Variants in SH3GL3 observed in about 807,000 individuals in gnomAD.
The protein encoded by SH3GL3 is endophilin-A3.
Under a neutral mutation model 47.7 loss-of-function variants are expected in SH3GL3, and 33 were observed. That is an observed-to-expected ratio of 0.69 (90% confidence interval 0.52 to 0.92). The LOEUF is 0.92. Ranked by LOEUF, SH3GL3 falls within the 40% of genes least tolerant of loss-of-function variation. The pLI, the probability that SH3GL3 is intolerant of heterozygous loss-of-function variation, is 0.00. For synonymous variants in SH3GL3, 155 were observed against 148.8 expected, an observed-to-expected ratio of 1.04 and a Z score of -0.30; for missense variants, 363 against 417.8, an observed-to-expected ratio of 0.87 and a Z score of 1.14.
intron 8 of SH3GL3, among the ~76,000 whole-genome samples, chr15:83,592,702 C>A (rs185463126): frequency 2.4e-4 from 37 of 152,318 alleles, no homozygotes; most frequent in African/African-American, 8.7e-4. Flanking sequence ...AAAAGTTCTT[C>A]TCTCTTGATT....
chr15:83,486,826 C>T (rs184707125), intron 1 of SH3GL3, among the ~76,000 whole-genome samples: 1 of 152,274 alleles, frequency 6.6e-6, no homozygotes, highest in Admixed American at 6.5e-5. Context: ...GAAAATTTGG[C>T]TCTTGGAAAG....
At chr15:83,633,718 C>T in the SH3GL3 span, among the ~76,000 whole-genome samples, 1 of 152,184 alleles carries the variant, frequency 6.6e-6, no homozygotes, top group Non-Finnish European at 1.5e-5. Flanking sequence ...TTTAAAAGCC[C>T]CTGCTTTGTG....
chr15:83,626,219 C>T, the SH3GL3 span, among the ~76,000 whole-genome samples: 1 of 152,296 alleles, frequency 6.6e-6, no homozygotes, highest in South Asian at 2.1e-4. Context: ...AGCTCCACTA[C>T]CACAAGACTC....
chr15:83,567,145 C>A (rs1425392730), intron 3 of SH3GL3, among the ~76,000 whole-genome samples: 1 of 152,104 alleles, frequency 6.6e-6, no homozygotes, highest in African/African-American at 2.4e-5. Flanking sequence ...CACATTTTCC[C>A]ATAGCTATCT....
intron 8 of SH3GL3, among the ~76,000 whole-genome samples, chr15:83,605,387 A>G (rs2060489097): frequency 6.6e-6 from 1 of 152,204 alleles, no homozygotes; most frequent in African/African-American, 2.4e-5. Flanking sequence ...TATAGCCTGC[A>G]TTAATGGGAA....
downstream of SH3GL3, among the ~76,000 whole-genome samples, chr15:83,619,124 A>G (rs368461887): frequency 2.4e-4 from 37 of 152,288 alleles, 2 homozygotes; most frequent in East Asian, 3.3e-3. Context: ...TACAGTACGC[A>G]CTAGTTACAT....
intron 1 of SH3GL3, among the ~76,000 whole-genome samples, chr15:83,469,340 A>C (rs1478417415): frequency 6.6e-6 from 1 of 151,802 alleles, no homozygotes; most frequent in African/African-American, 2.4e-5. Context: ...CCTTATCCTT[A>C]TTATTTTCTT....
At chr15:83,471,759 G>T (rs2040840080) in intron 1 of SH3GL3, among the ~76,000 whole-genome samples, 1 of 152,160 alleles carries the variant, frequency 6.6e-6, no homozygotes, top group Non-Finnish European at 1.5e-5. Flanking sequence ...TGAGAAATCT[G>T]CTGTAATTCA....
At chr15:83,579,018 G>A (rs747589852) in intron 6 of SH3GL3, among the ~76,000 whole-genome samples, 78 of 152,180 alleles carry the variant, frequency 5.1e-4, no homozygotes, top group Middle Eastern at 3.2e-3. Flanking sequence ...GCTCCATGAG[G>A]GAAGCCTGTC....
rs541688548 is a variant in SH3GL3 at position 83,505,263 on chromosome 15, A to G, written c.46-53990A>G. On this transcript the variant is annotated intron_variant, in intron 1 of 8. Coordinates refer to ENST00000427482, the MANE Select transcript of SH3GL3 (RefSeq NM_003027.5). ...GTAGTGCACTCGCTGGCTAAAGGAC[A>G]TCGGCATCTTCACTTTTTCTTTAAC... 3.9e-5 allele frequency among the ~76,000 whole-genome samples: 6 copies of G among 152,304 alleles called. No homozygotes were observed. The East Asian group carries it at 5.8e-4, about 15-fold the overall frequency.
At chr15:83,567,638 A>T (rs2045611641) in intron 3 of SH3GL3, among the ~76,000 whole-genome samples, 1 of 152,040 alleles carries the variant, frequency 6.6e-6, no homozygotes, top group South Asian at 2.1e-4. Flanking sequence ...CTGCCTCCTA[A>T]ACAGCAGCAC....
chr15:83,464,303 G>A (rs931448801), intron 1 of SH3GL3, among the ~76,000 whole-genome samples: 2 of 152,048 alleles, frequency 1.3e-5, no homozygotes, highest in African/African-American at 4.8e-5. Context: ...CTTTTAATGG[G>A]TCCTTCTCAT....
Position 83,447,636 on chromosome 15 carries a change from A to G in SH3GL3, c.45+58A>G, listed in dbSNP as rs2039501637. 2 of 1,313,522 alleles carry G rather than the reference A, an allele frequency of 1.5e-6. No individual in the cohort carries two copies. Among genetic ancestry groups the G allele is most frequent in the South Asian group, 1.4e-5 (1 of 69,218 alleles). 81.4% of individuals were successfully genotyped at this position (1,313,522 alleles called of 1,614,324 possible). On this transcript the variant is annotated intron_variant, in intron 1 of 8. Transcript: ENST00000427482. The surrounding 1 kb of genome is among the most constrained non-coding windows in gnomAD (Gnocchi z 5.1). ...GGGACGCGGAGGCTGCGGCCCCCCG[A>G]GGCTCCCGGGCCTTTGGGACTCCTG...
intron 6 of SH3GL3, among the ~76,000 whole-genome samples, chr15:83,580,920 G>C (rs1324318523): frequency 6.6e-6 from 1 of 152,364 alleles, no homozygotes; most frequent in South Asian, 2.1e-4. Context: ...GGACTTAGAA[G>C]CATTCGCTCC....
intron 1 of SH3GL3, among the ~76,000 whole-genome samples, chr15:83,450,804 A>ATTTTTTTTTTTTTTTTTT (rs34099509): frequency 1.0e-4 from 6 of 58,786 alleles, no homozygotes; most frequent in African/African-American, 3.2e-4. Context: ...TTTTTTTTTA[A>ATTTTTTTTTTTTTTTTTT]TTTTTTTTTT....
At chr15:83,629,881 CT>C in the SH3GL3 span, among the ~76,000 whole-genome samples, 1 of 152,088 alleles carries the variant, frequency 6.6e-6, no homozygotes, top group South Asian at 2.1e-4. Context: ...AACCTTAAAG[CT>C]TTTGGAAGAA....
intron 1 of SH3GL3, among the ~76,000 whole-genome samples, chr15:83,535,474 A>C (rs1220238789): frequency 6.6e-6 from 1 of 152,190 alleles, no homozygotes; most frequent in Non-Finnish European, 1.5e-5. Context: ...TCAATGATAA[A>C]GGTACATAAC....
intron 1 of SH3GL3, among the ~76,000 whole-genome samples, chr15:83,467,796 T>G (rs956366427): frequency 2.0e-5 from 3 of 152,110 alleles, no homozygotes; most frequent in Non-Finnish European, 2.9e-5. Flanking sequence ...TTTTTTTTAG[T>G]GATTGTAAAA....
intron 1 of SH3GL3, among the ~76,000 whole-genome samples, chr15:83,477,479 A>G (rs983561367): frequency 6.6e-6 from 1 of 152,178 alleles, no homozygotes; most frequent in Non-Finnish European, 1.5e-5. Context: ...TCAAATAAGT[A>G]TGTAGATTAT....
Sources: gnomAD v4.1 joint callset for allele counts (sites outside exome capture counted in the v4.1 genomes callset) on GRCh38, gnomAD v4.1.1 for gene constraint, Gnocchi (gnomAD v3.1) non-coding constraint, MANE v1.5 for transcripts, NCBI Gene and HGNC (gene_info 2026-07-23, HGNC 2026-07-21) for gene names.